SYNE1: variants seen among roughly 807,000 people sequenced by gnomAD.
SYNE1 encodes the protein spectrin repeat containing nuclear envelope protein 1, also known as nesprin-1.
SYNE1 carries 616 observed loss-of-function variants against 1,111.0 expected under a neutral mutation model. The ratio of observed to expected loss-of-function variants is 0.55; its 90% CI spans 0.52 to 0.59. SYNE1 has a LOEUF of 0.59. Ranked by LOEUF, SYNE1 falls within the 20% of genes least tolerant of loss-of-function variation. SYNE1 has a pLI of 0.00. For missense variants in SYNE1, 10,006 were observed against 10,417.0 expected (o/e 0.96, Z 1.72); for synonymous variants, 3,855 against 3,825.8 (o/e 1.01, Z -0.28).
intron 145 of SYNE1, among the ~76,000 whole-genome samples, chr6:152,130,033 G>A (rs1241711589): frequency 6.6e-6 from 1 of 152,184 alleles, no homozygotes; most frequent in Non-Finnish European, 1.5e-5. Context: ...TGGAGGCCAG[G>A]CAGGAAGCGC....
In SYNE1 at chr6:152,148,411, T is replaced by C. The variant is rs2059872553; in HGVS notation, c.24643-33A>G. The C allele has an allele frequency of 1.2e-6, 2 of 1,602,034 alleles. No individual in the cohort carries two copies. Among genetic ancestry groups the C allele is most frequent in the African/African-American group, 2.7e-5 (2 of 74,596 alleles). ...GGAAGTCAAGGCAACCCTGTCACTG[T>C]AGTGGTCAGACTAGCTTCTTATCTG... On this transcript the variant is annotated intron_variant, in intron 136 of 145. Transcript: ENST00000367255. This position sits in a 1 kb window ranked among gnomAD's most constrained non-coding sequence, Gnocchi z 4.1.
intron 3 of SYNE1, among the ~76,000 whole-genome samples, chr6:152,579,741 T>C (rs2099513097): frequency 6.6e-6 from 1 of 152,184 alleles, no homozygotes. Context: ...CACTCGATGT[T>C]TAGCTCCCAC....
At chr6:152,560,036 A>G (rs1385784161) in intron 3 of SYNE1, among the ~76,000 whole-genome samples, 1 of 152,114 alleles carries the variant, frequency 6.6e-6, no homozygotes, top group East Asian at 1.9e-4. Context: ...CCAGACACGT[A>G]CAATCTACCA....
chr6:152,227,151 C>T (rs1351494274), intron 115 of SYNE1, among the ~76,000 whole-genome samples: 2 of 151,948 alleles, frequency 1.3e-5, no homozygotes, highest in Non-Finnish European at 2.9e-5. Context: ...TAATTTTTGC[C>T]TCTTTTATTT....
intron 3 of SYNE1, among the ~76,000 whole-genome samples, chr6:152,579,704 T>C (rs2099512987): frequency 2.0e-5 from 3 of 152,204 alleles, no homozygotes; most frequent in African/African-American, 4.8e-5. Flanking sequence ...CTGGTATCTA[T>C]GTTATTCTCT....
chr6:152,457,434 C>A (rs1257335195), intron 22 of SYNE1, among the ~76,000 whole-genome samples: 1 of 152,160 alleles, frequency 6.6e-6, no homozygotes, highest in Non-Finnish European at 1.5e-5. Context: ...AATGCAGTGG[C>A]AAACCTTTTG....
chr6:152,125,847 T>C (rs1160638441), intron 145 of SYNE1: 2 of 152,554 alleles, frequency 1.3e-5, no homozygotes, highest in Non-Finnish European at 2.9e-5. Context: ...GGGCTGCCCA[T>C]TGACCTGTTC....
chr6:152,337,109 C>T, intron 75 of SYNE1, 92 bp from the exon 76 acceptor site: 1 of 1,324,246 alleles, frequency 7.6e-7, no homozygotes, highest in Non-Finnish European at 1.1e-6. Flanking sequence ...CTGGCCTGTG[C>T]ACTCATTTGA....
In SYNE1 at chr6:152,330,731, A is replaced by G. The variant is rs1269165361; in HGVS notation, c.13954T>C (p.Phe4652Leu). ...SEKLNALPRQ[F>L]NVIVALAKDK... is the part of the protein sequence containing the mutation. ...TTAGCCAAGGCAACAATTACATTAA[A>G]TTGTCGAGGCAAAGCATTTAGCTTT... Residue 4652 changes from phenylalanine (F) to leucine (L), a missense_variant, in exon 78 of 146, where the codon TTT becomes CTT. Coordinates refer to ENST00000367255, the MANE Select transcript of SYNE1 (RefSeq NM_182961.4). 6.2e-7 allele frequency: 1 copy of G among 1,614,026 alleles called. No homozygotes were observed. Among genetic ancestry groups the G allele is most frequent in the Non-Finnish European group, 8.5e-7 (1 of 1,180,028 alleles).
intron 21 of SYNE1, among the ~76,000 whole-genome samples, chr6:152,459,340 C>A (rs1248573782): frequency 3.3e-5 from 5 of 152,164 alleles, no homozygotes; most frequent in African/African-American, 1.2e-4. Flanking sequence ...CCTGTGTCTT[C>A]CAGCTTTGTT....
chr6:152,135,383 A>G, intron 141 of SYNE1, 151 bp from the exon 142 acceptor site: 1 of 839,666 alleles, frequency 1.2e-6, no homozygotes, highest in Non-Finnish European at 1.9e-6. Context: ...TGCTGTTGTA[A>G]TGACCTGATC....
In SYNE1 at chr6:152,247,619, C is replaced by T. The variant is rs956733515; in HGVS notation, c.19572+1542G>A. Among the ~76,000 whole-genome samples, 4 of 151,106 alleles carry T rather than the reference C, an allele frequency of 2.6e-5. No individual in the cohort carries two copies. In the South Asian group the frequency reaches 8.4e-4, roughly 32 times the overall value. On this transcript the variant is annotated intron_variant, in intron 105 of 145. Coordinates refer to ENST00000367255, the MANE Select transcript of SYNE1 (RefSeq NM_182961.4). ...GTGGCTCACACCGGTAATCCCAACACTTTGGGAGGCTGAGATGGGAGAACT... is the reference window on the plus strand; with the variant it reads ...GTGGCTCACACCGGTAATCCCAACATTTTGGGAGGCTGAGATGGGAGAACT...
intron 84 of SYNE1, among the ~76,000 whole-genome samples, chr6:152,320,473 G>C (rs2095845702): frequency 6.6e-6 from 1 of 151,974 alleles, no homozygotes; most frequent in African/African-American, 2.4e-5. Context: ...ATATAGAAGG[G>C]TTTTCATTAA....
intron 14 of SYNE1, chr6:152,481,585 A>T: frequency 2.2e-6 from 1 of 450,658 alleles, no homozygotes; most frequent in Non-Finnish European, 4.4e-6. Context: ...AATGCCAGTT[A>T]AGGTAAAAAA....
chr6:152,237,405 G>A (rs546440657), intron 108 of SYNE1, among the ~76,000 whole-genome samples: 1 of 150,528 alleles, frequency 6.6e-6, no homozygotes, highest in East Asian at 2.0e-4. Context: ...GAACTCCTGG[G>A]CTCAAGGGAT....
chr6:152,255,664 T>G lies in SYNE1; in HGVS notation c.19187A>C (p.Asp6396Ala). 1.2e-6 allele frequency: 2 copies of G among 1,614,234 alleles called. No homozygotes were observed. Among genetic ancestry groups the G allele is most frequent in the Non-Finnish European group, 1.7e-6 (2 of 1,180,034 alleles). ...GVSATSTWLD[D>A]VEERLFVATA... ...GGCAACAAATAAACGTTCTTCAACG[T>G]CATCCAACCAAGTAGAGGTGGCTGA... is the stretch of plus-strand genomic sequence containing the variant. Residue 6396 changes from aspartate (D) to alanine (A), a missense_variant, in exon 103 of 146, where the codon GAC becomes GCC. Physicochemically the swap from Asp to Ala is moderately radical, Grantham distance 126 (BLOSUM62 -2). Coordinates refer to ENST00000367255, the MANE Select transcript of SYNE1 (RefSeq NM_182961.4).
chr6:152,143,501 C>T lies in SYNE1; in HGVS notation c.25119+122G>A, dbSNP rs187538565. 1.7e-5 allele frequency: 25 copies of T among 1,428,976 alleles called. No homozygotes were observed. The East Asian group carries it at 3.2e-4, about 18-fold the overall frequency. 88.5% of individuals were successfully genotyped at this position (1,428,976 alleles called of 1,614,324 possible). On this transcript the variant is annotated intron_variant, in intron 138 of 145. Transcript: ENST00000367255. ...GCTTGGCTTTGCACATCCAGGTTCA[C>T]GAGTTCAAGGGCAGCATGGTATTCA...
intron 52 of SYNE1, among the ~76,000 whole-genome samples, chr6:152,390,967 T>C (rs2097607623): frequency 6.6e-6 from 1 of 152,188 alleles, no homozygotes; most frequent in African/African-American, 2.4e-5. Flanking sequence ...TCCTAGAAAA[T>C]GGGTCCTAAC....
At position 152,367,254 on chromosome 6, in the gene SYNE1, G is replaced by T. The variant is rs149582339; in HGVS notation, c.9936C>A (p.Asp3312Glu). ...MLDSYCHPTS[D>E]KSVLDSRTLK... is the part of the protein sequence containing the mutation. The stretch of plus-strand genomic sequence containing the variant: ...GCGTCCTGCTGTCCAGCACACTTTT[G>T]TCGGATGTCGGGTGGCAGTATGAAT... Residue 3312 changes from aspartate (D) to glutamate (E), a missense_variant, in exon 62 of 146, where the codon GAC (aspartate) becomes GAA (glutamate). Physicochemically the swap from Asp to Glu is conservative, Grantham distance 45 (BLOSUM62 2). This residue lies in a region of SYNE1 where 4,955 missense variants were observed against 5,017.2 expected (regional missense o/e 0.99). Coordinates refer to ENST00000367255, the MANE Select transcript of SYNE1 (RefSeq NM_182961.4). 6.2e-7 allele frequency: 1 copy of T among 1,614,106 alleles called. No homozygotes were observed. The highest frequency in any genetic ancestry group is 1.3e-5 in the African/African-American group (1 of 74,936).
Sources: allele counts gnomAD v4.1 joint callset (sites outside exome capture counted in the v4.1 genomes callset), GRCh38; gene constraint gnomAD v4.1.1; regional missense constraint gnomAD v4.1.1; non-coding constraint Gnocchi (gnomAD v3.1); transcripts MANE v1.5; gene names NCBI Gene and HGNC (gene_info 2026-07-23, HGNC 2026-07-21).